The following AMN1 variants were observed in gnomAD, a reference collection of about 807,000 sequenced individuals.
AMN1 encodes the protein protein AMN1 homolog.
Under a neutral mutation model 33.0 loss-of-function variants are expected in AMN1, and 20 were observed. That is an observed-to-expected ratio of 0.61 (90% CI 0.43 to 0.88). The LOEUF (loss-of-function observed/expected upper bound fraction) is 0.88. Ranked by LOEUF, AMN1 falls within the 40% of genes least tolerant of loss-of-function variation. AMN1 has a pLI of 0.00. For synonymous variants in AMN1, 114 were observed against 111.9 expected (o/e 1.02, Z -0.12); for missense variants, 246 against 307.4 (o/e 0.80, Z 1.49).
chr12:31,706,408 G>A (rs572196112), intron 2 of AMN1, among the ~76,000 whole-genome samples: 6 of 150,260 alleles, frequency 4.0e-5, no homozygotes, highest in Non-Finnish European at 7.4e-5. Flanking sequence ...GATAGATGCC[G>A]CTCACCCCCA....
chr12:31,681,762 C>A (rs1174058602), intron 6 of AMN1, among the ~76,000 whole-genome samples: 1 of 152,086 alleles, frequency 6.6e-6, no homozygotes, highest in African/African-American at 2.4e-5. Context: ...TGATTTCAAA[C>A]CCCTGGGGCC....
intron 3 of AMN1, among the ~76,000 whole-genome samples, chr12:31,698,832 C>G (rs1390659993): frequency 3.3e-5 from 5 of 151,990 alleles, no homozygotes; most frequent in Non-Finnish European, 7.4e-5. Context: ...TCTTTGTTCC[C>G]AGTCCCTGAC....
intron 6 of AMN1, among the ~76,000 whole-genome samples, chr12:31,685,824 A>C (rs930891939): frequency 6.7e-6 from 1 of 148,772 alleles, no homozygotes; most frequent in Non-Finnish European, 1.5e-5. Context: ...AGAAAGAAAG[A>C]AAAAAGGAAT....
intron 2 of AMN1, among the ~76,000 whole-genome samples, chr12:31,707,217 T>C (rs999038879): frequency 1.3e-5 from 2 of 152,138 alleles, no homozygotes; most frequent in Non-Finnish European, 2.9e-5. Context: ...AAGACCAAAA[T>C]GTACTATACA....
chr12:31,713,216 T>TTA (rs915918563), intron 1 of AMN1, among the ~76,000 whole-genome samples: 3 of 152,178 alleles, frequency 2.0e-5, no homozygotes, highest in Non-Finnish European at 2.9e-5. Context: ...TCTCTGTGTG[T>TTA]TATATATATA....
At position 31,715,328 on chromosome 12, in the gene AMN1, C is replaced by T. The variant is rs181845120; in HGVS notation, c.39-5903G>A. 1.4e-3 allele frequency: 294 copies of T among 214,748 alleles called. 2 individuals carry two copies. The highest frequency in any genetic ancestry group is 2.2e-3 in the Non-Finnish European group (216 of 98,058). 13.3% of individuals were successfully genotyped at this position (214,748 alleles called of 1,614,324 possible). A position where few individuals can be genotyped will look rare whatever the true frequency, so the allele number is the denominator to read the frequency against. ...AAGAAGAGCGGGGAGAAAGTCAGTT[C>T]TTAGAACAAATTAGTCAGCTTCAGC... is the stretch of plus-strand genomic sequence containing the variant. On this transcript the variant is annotated intron_variant, in intron 1 of 6. Transcript: ENST00000281471.
chr12:31,675,732 C>T (rs532817705), intron 6 of AMN1, among the ~76,000 whole-genome samples: 2 of 151,772 alleles, frequency 1.3e-5, no homozygotes, highest in South Asian at 4.1e-4. Flanking sequence ...CTGACCTCAG[C>T]AGTTTGAGAC....
intron 1 of AMN1, chr12:31,715,205 A>G (rs1418295016): frequency 6.5e-6 from 1 of 153,868 alleles, no homozygotes; most frequent in Non-Finnish European, 1.5e-5. Flanking sequence ...AACATTGTAC[A>G]GGCTGGATTT....
intron 5 of AMN1, among the ~76,000 whole-genome samples, chr12:31,697,129 C>T (rs1938763384): frequency 1.3e-5 from 2 of 151,982 alleles, no homozygotes; most frequent in African/African-American, 4.8e-5. Flanking sequence ...GCTAAAACTT[C>T]GGGGAAATAA....
At chr12:31,672,965 T>C (rs1421254005) in intron 6 of AMN1, 1 of 152,386 alleles carries the variant, frequency 6.6e-6, no homozygotes, top group Non-Finnish European at 1.5e-5. Context: ...AACCATTATA[T>C]AAATACACTG....
At chr12:31,719,419 T>C (rs563377443) in intron 1 of AMN1, 14 of 559,702 alleles carry the variant, frequency 2.5e-5, no homozygotes, top group Non-Finnish European at 2.7e-5. Context: ...TTAGACATTT[T>C]GTTAGGGAAG....
intron 1 of AMN1, among the ~76,000 whole-genome samples, chr12:31,722,442 T>G (rs906954233): frequency 1.3e-5 from 2 of 152,128 alleles, no homozygotes; most frequent in African/African-American, 4.8e-5. Flanking sequence ...AAAACGGACT[T>G]TTAAAAAATC....
chr12:31,697,938 T>C lies in AMN1; in HGVS notation c.336A>G (p.Ser112=). 1 of 1,614,022 alleles carries C rather than the reference T, an allele frequency of 6.2e-7. No individual in the cohort carries two copies. The highest frequency in any genetic ancestry group is 8.5e-7 in the Non-Finnish European group (1 of 1,179,868). ...VTSEGIKAVA[S]SCSYLHEASL... is the part of the protein sequence containing the mutation. Reference sequence around the variant, plus strand: ...AAGCTTCGTGTAGGTATGAACAAGATGAAGCCACAGCTTTTATTCCTGGGG... The same window carrying C: ...AAGCTTCGTGTAGGTATGAACAAGACGAAGCCACAGCTTTTATTCCTGGGG... Residue 112 remains serine (S), a synonymous_variant, in exon 4 of 7, where the codon TCA becomes TCG. Coordinates refer to ENST00000281471, the MANE Select transcript of AMN1 (RefSeq NM_001113402.2).
At chr12:31,672,421 A>T (rs1176101964) in intron 6 of AMN1, 44 bp from the exon 7 acceptor site, 2 of 1,337,334 alleles carry the variant, frequency 1.5e-6, no homozygotes, top group Non-Finnish European at 2.1e-6. Context: ...ACAATAAAAA[A>T]TGTTTAATGT....
chr12:31,680,917 A>C (rs1047014438), intron 6 of AMN1, among the ~76,000 whole-genome samples: 2 of 152,080 alleles, frequency 1.3e-5, no homozygotes, highest in Non-Finnish European at 1.5e-5. Flanking sequence ...CAAACAAAAA[A>C]CCCCCACAAA....
chr12:31,704,419 T>C (rs1413358878), intron 2 of AMN1, among the ~76,000 whole-genome samples: 2 of 152,152 alleles, frequency 1.3e-5, no homozygotes, highest in Non-Finnish European at 2.9e-5. Flanking sequence ...GGAGGGATTC[T>C]TTATATTGTC....
upstream of AMN1, chr12:31,729,096 C>T (rs905101960): frequency 2.1e-6 from 3 of 1,400,944 alleles, no homozygotes; most frequent in Non-Finnish European, 2.9e-6. Flanking sequence ...CACCGCGCGA[C>T]GCGTAGGTTT....
At chr12:31,727,266 G>A (rs141199253) in intron 1 of AMN1, among the ~76,000 whole-genome samples, 319 of 152,266 alleles carry the variant, frequency 2.1e-3, no homozygotes, top group African/African-American at 7.4e-3. Context: ...CTCCTGGTTT[G>A]GGCTCTTCAC....
chr12:31,721,101 C>G (rs145131728), intron 1 of AMN1, among the ~76,000 whole-genome samples: 78 of 152,292 alleles, frequency 5.1e-4, no homozygotes, highest in South Asian at 1.2e-3. Context: ...GAATGCAGAG[C>G]CTTGCCTAAC....
Sources: allele counts gnomAD v4.1 joint callset (sites outside exome capture counted in the v4.1 genomes callset), GRCh38; gene constraint gnomAD v4.1.1; transcripts MANE v1.5; gene names NCBI Gene and HGNC (gene_info 2026-07-23, HGNC 2026-07-21).